Variants in KCNQ5 observed in about 807,000 individuals in gnomAD.
KCNQ5 encodes potassium voltage-gated channel subfamily KQT member 5.
A neutral mutation model predicts 98.2 loss-of-function variants in KCNQ5; 30 were observed. The ratio of observed to expected loss-of-function variants is 0.31; its 90% CI spans 0.23 to 0.41. The LOEUF (loss-of-function observed/expected upper bound fraction) is 0.41, where lower values mean the gene tolerates loss of function less well. Ranked by LOEUF, KCNQ5 falls within the 10% of genes least tolerant of loss-of-function variation. The pLI is 1.00. For synonymous variants in KCNQ5, 458 were observed against 449.4 expected, an observed-to-expected ratio of 1.02 and a Z score of -0.24; for missense variants, 835 against 1,182.5, an observed-to-expected ratio of 0.71 and a Z score of 4.31.
chr6:72,672,376 G>A (rs537549944), intron 1 of KCNQ5, among the ~76,000 whole-genome samples: 7 of 152,234 alleles, frequency 4.6e-5, no homozygotes, highest in Non-Finnish European at 7.4e-5. Context: ...GGGATTACAG[G>A]GGTGAGCCAC....
intron 1 of KCNQ5, among the ~76,000 whole-genome samples, chr6:72,783,130 T>C (rs151324069): frequency 6.6e-6 from 1 of 152,254 alleles, no homozygotes; most frequent in African/African-American, 2.4e-5. Context: ...AAAACAGTTA[T>C]GAGTGGGAGA....
chr6:73,031,791 G>A (rs1771160766), intron 2 of KCNQ5, among the ~76,000 whole-genome samples: 1 of 152,196 alleles, frequency 6.6e-6, no homozygotes, highest in Non-Finnish European at 1.5e-5. Context: ...TAGAAATGAA[G>A]TCAACATTGC....
intron 1 of KCNQ5, among the ~76,000 whole-genome samples, chr6:72,893,402 G>A (rs776945615): frequency 4.1e-4 from 62 of 152,144 alleles, no homozygotes; most frequent in Middle Eastern, 3.2e-3. Flanking sequence ...CAGGAAACCT[G>A]GCTGTCTTCA....
At chr6:72,751,314 GAAA>G (rs35351451) in intron 1 of KCNQ5, among the ~76,000 whole-genome samples, 1 of 141,860 alleles carries the variant, frequency 7.0e-6, no homozygotes, top group South Asian at 2.3e-4. Context: ...GACTCAAAAT[GAAA>G]AAAAAAAAAT....
chr6:72,689,810 A>C (rs1768124858), intron 1 of KCNQ5, among the ~76,000 whole-genome samples: 2 of 151,796 alleles, frequency 1.3e-5, no homozygotes, highest in African/African-American at 4.8e-5. Context: ...CCTCAGTGCA[A>C]CAGGAAAGTG....
intron 1 of KCNQ5, among the ~76,000 whole-genome samples, chr6:72,705,353 A>T (rs533098264): frequency 1.4e-4 from 21 of 152,256 alleles, no homozygotes; most frequent in African/African-American, 4.6e-4. Flanking sequence ...TCTTTTTTCA[A>T]TGTTTGACAT....
At chr6:72,985,004 A>C (rs1300680108) in intron 1 of KCNQ5, among the ~76,000 whole-genome samples, 3 of 152,202 alleles carry the variant, frequency 2.0e-5, no homozygotes, top group Non-Finnish European at 4.4e-5. Flanking sequence ...ATCAGTAGTT[A>C]GACCAGCCTG....
chr6:72,955,773 A>G (rs2150259528), intron 1 of KCNQ5, among the ~76,000 whole-genome samples: 1 of 152,344 alleles, frequency 6.6e-6, no homozygotes, highest in East Asian at 1.9e-4. Flanking sequence ...TAAAGGTACT[A>G]TGCAAAAACA....
At chr6:72,976,939 T>C (rs1343858412) in intron 1 of KCNQ5, among the ~76,000 whole-genome samples, 1 of 152,234 alleles carries the variant, frequency 6.6e-6, no homozygotes, top group African/African-American at 2.4e-5. Context: ...GCCAGATTAC[T>C]TGAGCACCTT....
intron 10 of KCNQ5, chr6:73,157,846 A>C: frequency 1.3e-6 from 1 of 779,576 alleles, no homozygotes; most frequent in Non-Finnish European, 2.4e-6. Context: ...CTCTAGCCTC[A>C]TGATCTGTGG....
chr6:72,995,234 G>T (rs1307539524), intron 1 of KCNQ5, among the ~76,000 whole-genome samples: 1 of 152,030 alleles, frequency 6.6e-6, no homozygotes. Context: ...CAGGCATGGT[G>T]GTGCACGCCT....
At chr6:72,783,653 C>A (rs1001898903) in intron 1 of KCNQ5, among the ~76,000 whole-genome samples, 3 of 152,100 alleles carry the variant, frequency 2.0e-5, no homozygotes, top group Non-Finnish European at 2.9e-5. Flanking sequence ...AGAAAGAAGG[C>A]AGAGCATATC....
chr6:72,879,028 T>C (rs932132530), intron 1 of KCNQ5, among the ~76,000 whole-genome samples: 16 of 152,170 alleles, frequency 1.1e-4, no homozygotes, highest in Non-Finnish European at 2.1e-4. Context: ...ATTATATTTC[T>C]TTCTATGTTA....
chr6:72,647,719 A>G (rs930205821), intron 1 of KCNQ5, among the ~76,000 whole-genome samples: 1 of 152,186 alleles, frequency 6.6e-6, no homozygotes, highest in Non-Finnish European at 1.5e-5. Flanking sequence ...ACAGATCATT[A>G]TGTATTGCGC....
At chr6:73,179,228 C>T (rs6937240) in intron 11 of KCNQ5, among the ~76,000 whole-genome samples, 58,318 of 151,822 alleles carry the variant, frequency 0.38, 12,893 homozygotes, top group African/African-American at 0.59. Context: ...GTTATGGAGG[C>T]TGGGAGGTCC....
intron 5 of KCNQ5, among the ~76,000 whole-genome samples, chr6:73,078,114 GC>G (rs1444254551): frequency 3.3e-5 from 5 of 151,118 alleles, no homozygotes; most frequent in African/African-American, 1.2e-4. Context: ...CTAGATTGTT[GC>G]CAAAATTAAA....
intron 1 of KCNQ5, among the ~76,000 whole-genome samples, chr6:72,929,180 G>T (rs1765580490): frequency 6.6e-6 from 1 of 152,076 alleles, no homozygotes; most frequent in African/African-American, 2.4e-5. Flanking sequence ...AGTTTGATTT[G>T]TAAAATGTGG....
chr6:72,953,310 A>T (rs888670066), intron 1 of KCNQ5, among the ~76,000 whole-genome samples: 5 of 152,202 alleles, frequency 3.3e-5, no homozygotes, highest in African/African-American at 1.2e-4. Flanking sequence ...ACAAACCAAG[A>T]TTTCTTTCTT....
At chr6:72,654,357 A>G (rs1387333124) in intron 1 of KCNQ5, among the ~76,000 whole-genome samples, 1 of 152,038 alleles carries the variant, frequency 6.6e-6, no homozygotes, top group Non-Finnish European at 1.5e-5. Flanking sequence ...GAACTTTAAC[A>G]TTGTTCATTT....
Sources: gnomAD v4.1 joint callset for allele counts (sites outside exome capture counted in the v4.1 genomes callset) on GRCh38, gnomAD v4.1.1 for gene constraint, MANE v1.5 for transcripts, NCBI Gene and HGNC (gene_info 2026-07-23, HGNC 2026-07-21) for gene names.